LARGE1: variants seen among roughly 807,000 people sequenced by gnomAD.
The protein encoded by LARGE1 is LARGE xylosyl- and glucuronyltransferase 1.
LARGE1 carries 43 observed loss-of-function variants against 87.6 expected under a neutral mutation model. That is an observed-to-expected ratio of 0.49 (90% CI 0.38 to 0.63). The LOEUF (loss-of-function observed/expected upper bound fraction) is 0.63. Ranked by LOEUF, LARGE1 falls within the 30% of genes least tolerant of loss-of-function variation. The pLI is 0.00. For missense variants in LARGE1, 802 were observed against 1,000.2 expected (o/e 0.80, Z 2.67); for synonymous variants, 434 against 394.6 (o/e 1.10, Z -1.18).
chr22:33,384,358 G>A, intron 7 of LARGE1, 54 bp from the exon 8 acceptor site: 1 of 1,313,556 alleles, frequency 7.6e-7, no homozygotes, highest in Non-Finnish European at 1.1e-6. Context: ...AAGATGGAGA[G>A]CTAGGCACAC....
At chr22:33,422,199 T>C (rs1475533063) in intron 7 of LARGE1, among the ~76,000 whole-genome samples, 2 of 152,188 alleles carry the variant, frequency 1.3e-5, no homozygotes, top group Non-Finnish European at 2.9e-5. Flanking sequence ...CAATGAAAAA[T>C]GCACCCACAT....
At chr22:33,634,713 GAA>G (rs2080216533) in intron 3 of LARGE1, among the ~76,000 whole-genome samples, 1 of 151,656 alleles carries the variant, frequency 6.6e-6, no homozygotes, top group Non-Finnish European at 1.5e-5. Flanking sequence ...AAAACCCCTG[GAA>G]ATCCAGAGAG....
chr22:33,089,319 T>TC, the LARGE1 span, among the ~76,000 whole-genome samples: 5 of 109,320 alleles, frequency 4.6e-5, 1 homozygote, highest in South Asian at 1.7e-3. Context: ...TCTTCTTTCT[T>TC]CTTTCTTCTT....
Position 33,719,030 on chromosome 22 carries a change from C to A in LARGE1, c.106+42341G>T, listed in dbSNP as rs191894580. Among the ~76,000 whole-genome samples, 248 of 152,226 alleles carry A rather than the reference C, an allele frequency of 1.6e-3. 2 individuals carry two copies. The highest frequency in any genetic ancestry group is 1.7e-3 in the Non-Finnish European group (113 of 68,002). Reference sequence around the variant, plus strand: ...TCTCAAACTCCTGAGCTCAGGTGATCCACCCGCCTCAGCCTCCCAAAGTGC... The same window carrying A: ...TCTCAAACTCCTGAGCTCAGGTGATACACCCGCCTCAGCCTCCCAAAGTGC... On this transcript the variant is annotated intron_variant, in intron 2 of 14. Coordinates refer to ENST00000397394, the MANE Select transcript of LARGE1 (RefSeq NM_133642.5).
intron 11 of LARGE1, among the ~76,000 whole-genome samples, chr22:33,175,292 T>TGGAAG (rs964048940): frequency 2.4e-4 from 37 of 151,432 alleles, no homozygotes; most frequent in Middle Eastern, 6.8e-3. Context: ...CTGGCCAGGA[T>TGGAAG]GGAAGGGAAG....
intron 11 of LARGE1, among the ~76,000 whole-genome samples, chr22:33,194,745 G>T (rs535524742): frequency 6.6e-6 from 1 of 152,136 alleles, no homozygotes. Flanking sequence ...GACACGGAAT[G>T]ATAGTGCTGG....
intron 1 of LARGE1, among the ~76,000 whole-genome samples, chr22:33,767,064 A>G (rs2084930881): frequency 6.6e-6 from 1 of 150,872 alleles, no homozygotes; most frequent in East Asian, 2.0e-4. Context: ...CTGTAATCTC[A>G]GCACTTTGGG....
intron 11 of LARGE1, among the ~76,000 whole-genome samples, chr22:33,191,249 C>G (rs1923760736): frequency 1.3e-5 from 2 of 151,402 alleles, no homozygotes; most frequent in Non-Finnish European, 2.9e-5. Context: ...GAAACAGATA[C>G]AGTTATGTAA....
chr22:33,743,334 T>C (rs374362445), intron 2 of LARGE1: 1 of 152,202 alleles, frequency 6.6e-6, no homozygotes, highest in South Asian at 2.1e-4. Context: ...CAGCTATCAA[T>C]ATGTCCTGAA....
chr22:33,389,623 T>C (rs2147188623), intron 7 of LARGE1, among the ~76,000 whole-genome samples: 1 of 152,300 alleles, frequency 6.6e-6, no homozygotes, highest in African/African-American at 2.4e-5. Flanking sequence ...GGCTGGCGGA[T>C]CACCTGAGGT....
At chr22:33,757,381 A>G (rs2084556369) in intron 2 of LARGE1, among the ~76,000 whole-genome samples, 1 of 152,204 alleles carries the variant, frequency 6.6e-6, no homozygotes, top group Non-Finnish European at 1.5e-5. Context: ...TAGAATCAGA[A>G]GCTTGTAGGT....
chr22:33,116,468 C>A, the LARGE1 span, among the ~76,000 whole-genome samples: 1 of 152,110 alleles, frequency 6.6e-6, no homozygotes, highest in Non-Finnish European at 1.5e-5. Flanking sequence ...CATTCTCCTG[C>A]CTCAGCCTCC....
chr22:33,141,443 G>A, the LARGE1 span, among the ~76,000 whole-genome samples: 64 of 152,058 alleles, frequency 4.2e-4, no homozygotes, highest in Middle Eastern at 3.2e-3. Context: ...CATTCATGAA[G>A]CACTCAAAAT....
chr22:33,341,293 G>A (rs1033311073), intron 9 of LARGE1, among the ~76,000 whole-genome samples: 1 of 151,902 alleles, frequency 6.6e-6, no homozygotes, highest in East Asian at 1.9e-4. Context: ...ATCTGCCAGC[G>A]CCCTAACCTT....
chr22:33,177,823 G>T (rs1441547166), intron 11 of LARGE1, among the ~76,000 whole-genome samples: 4 of 152,138 alleles, frequency 2.6e-5, no homozygotes, highest in African/African-American at 9.7e-5. Flanking sequence ...ATTCCCATGT[G>T]TCGAGGGAGG....
chr22:33,545,472 C>T (rs1032494715), intron 6 of LARGE1, among the ~76,000 whole-genome samples: 1 of 149,526 alleles, frequency 6.7e-6, no homozygotes, highest in African/African-American at 2.5e-5. Flanking sequence ...GTTGGAGTCT[C>T]GCTCTGTTGC....
At chr22:33,153,458 GT>G in the LARGE1 span, among the ~76,000 whole-genome samples, 1 of 152,198 alleles carries the variant, frequency 6.6e-6, no homozygotes, top group Non-Finnish European at 1.5e-5. Context: ...TTTCTGAAGA[GT>G]TTATATTTGT....
chr22:33,339,160 A>T (rs1240726209), intron 9 of LARGE1, among the ~76,000 whole-genome samples: 1 of 151,512 alleles, frequency 6.6e-6, no homozygotes, highest in Non-Finnish European at 1.5e-5. Context: ...AAAATAAAAA[A>T]AAAAAAAAAA....
intron 10 of LARGE1, among the ~76,000 whole-genome samples, chr22:33,335,469 C>A (rs993258548): frequency 6.6e-6 from 1 of 152,144 alleles, no homozygotes; most frequent in African/African-American, 2.4e-5. Context: ...AAAGGCCAGG[C>A]GAGTACATGC....
Sources: gnomAD v4.1 joint callset for allele counts (sites outside exome capture counted in the v4.1 genomes callset) on GRCh38, gnomAD v4.1.1 for gene constraint, MANE v1.5 for transcripts, NCBI Gene and HGNC (gene_info 2026-07-23, HGNC 2026-07-21) for gene names.